RBFOX1: variants seen among roughly 807,000 people sequenced by gnomAD.
RBFOX1 encodes the protein RNA binding fox-1 homolog 1, also known as RNA binding protein fox-1 homolog 1.
RBFOX1 carries 8 observed loss-of-function variants against 57.7 expected under a neutral mutation model. That is an observed-to-expected ratio of 0.14 (90% CI 0.08 to 0.25). The LOEUF is 0.25. Ranked by LOEUF, RBFOX1 falls within the 10% of genes least tolerant of loss-of-function variation. The pLI is 1.00. For synonymous variants in RBFOX1, 326 were observed against 222.4 expected, an observed-to-expected ratio of 1.47 and a Z score of -4.15; for missense variants, 611 against 548.5, an observed-to-expected ratio of 1.11 and a Z score of -1.14.
intron 3 of RBFOX1, among the ~76,000 whole-genome samples, chr16:5,654,605 T>C (rs79038056): frequency 0.038 from 5,822 of 152,188 alleles, 376 homozygotes; most frequent in African/African-American, 0.13. Flanking sequence ...TCGTTTCTCA[T>C]CCAGCCCCAC....
chr16:6,466,143 C>A (rs185922602), intron 2 of RBFOX1, among the ~76,000 whole-genome samples: 3 of 151,222 alleles, frequency 2.0e-5, no homozygotes, highest in African/African-American at 7.3e-5. Context: ...GCAGAAGAAT[C>A]GCTTGAACCC....
chr16:6,900,866 T>G (rs188264158), intron 3 of RBFOX1, among the ~76,000 whole-genome samples: 20 of 152,336 alleles, frequency 1.3e-4, no homozygotes. Flanking sequence ...GCTCCATGAA[T>G]GCAGGGAGCT....
At chr16:5,366,605 A>C (rs2065723202) in intron 1 of RBFOX1, 1 of 399,072 alleles carries the variant, frequency 2.5e-6, no homozygotes, top group South Asian at 2.1e-5. Context: ...GAGGAAGCAA[A>C]GTTCATCAAT....
intron 4 of RBFOX1, among the ~76,000 whole-genome samples, chr16:7,319,917 G>C (rs2096515054): frequency 6.6e-6 from 1 of 152,194 alleles, no homozygotes; most frequent in African/African-American, 2.4e-5. Context: ...GAGTCAAAGT[G>C]TTGGAGTGCT....
intron 4 of RBFOX1, among the ~76,000 whole-genome samples, chr16:7,090,243 C>T (rs187315515): frequency 3.9e-5 from 6 of 152,118 alleles, no homozygotes; most frequent in Non-Finnish European, 8.8e-5. Flanking sequence ...AAATAGAATC[C>T]ATATTCAGTT....
At chr16:5,485,327 C>G (rs2151654395) in intron 2 of RBFOX1, among the ~76,000 whole-genome samples, 1 of 112,560 alleles carries the variant, frequency 8.9e-6, no homozygotes, top group South Asian at 3.0e-4. Context: ...GCCTGGGCGA[C>G]AGAGCCAGAC....
chr16:5,288,418 C>T (rs2063452805), intron 1 of RBFOX1, among the ~76,000 whole-genome samples: 1 of 152,090 alleles, frequency 6.6e-6, no homozygotes, highest in South Asian at 2.1e-4. Context: ...TAAATAAATG[C>T]AGGAAATTAA....
At chr16:7,047,890 AT>A (rs1030871833) in intron 3 of RBFOX1, among the ~76,000 whole-genome samples, 4 of 150,390 alleles carry the variant, frequency 2.7e-5, no homozygotes, top group Admixed American at 6.6e-5. Context: ...TTAATTAATT[AT>A]TTTTTTTGAG....
intron 5 of RBFOX1, among the ~76,000 whole-genome samples, chr16:7,567,777 A>C (rs111981797): frequency 0.25 from 36,783 of 144,596 alleles, 6,013 homozygotes; most frequent in Non-Finnish European, 0.34. Flanking sequence ...ATCCCTCTCT[A>C]TATATATCCA....
chr16:5,615,420 G>A (rs2047985399), intron 3 of RBFOX1, among the ~76,000 whole-genome samples: 1 of 152,328 alleles, frequency 6.6e-6, no homozygotes, highest in South Asian at 2.1e-4. Flanking sequence ...TGAGTGGTGT[G>A]TACTGCTCAA....
chr16:5,262,834 G>A (rs1252400058), intron 1 of RBFOX1, among the ~76,000 whole-genome samples: 1 of 152,146 alleles, frequency 6.6e-6, no homozygotes, highest in African/African-American at 2.4e-5. Context: ...GGTGAAAATT[G>A]TATTTCTGGA....
chr16:7,442,993 G>A (rs1250367344), intron 4 of RBFOX1, among the ~76,000 whole-genome samples: 1 of 152,156 alleles, frequency 6.6e-6, no homozygotes, highest in East Asian at 1.9e-4. Flanking sequence ...AGTGCACTGG[G>A]AAGGAAACAC....
chr16:6,824,184 C>T (rs573323508), intron 3 of RBFOX1, among the ~76,000 whole-genome samples: 2 of 152,218 alleles, frequency 1.3e-5, no homozygotes, highest in South Asian at 2.1e-4. Context: ...GCGGGTGGAT[C>T]ACCTGAGGTC....
intron 3 of RBFOX1, among the ~76,000 whole-genome samples, chr16:6,852,003 G>C (rs544431661): frequency 1.3e-5 from 2 of 150,292 alleles, no homozygotes. Flanking sequence ...TCGGCTCACT[G>C]CAAGCTCCAT....
At chr16:6,172,887 G>A (rs72774557) in intron 1 of RBFOX1, among the ~76,000 whole-genome samples, 4,945 of 152,184 alleles carry the variant, frequency 0.032, 126 homozygotes, top group Admixed American at 0.074. Context: ...CTCACAGTGC[G>A]GGCAGAGCTG....
At chr16:5,630,403 G>A (rs575132870) in intron 3 of RBFOX1, among the ~76,000 whole-genome samples, 1 of 152,200 alleles carries the variant, frequency 6.6e-6, no homozygotes, top group South Asian at 2.1e-4. Context: ...TTTGCAGTGA[G>A]CCAAGACCAC....
chr16:7,151,325 C>G (rs752931691), intron 4 of RBFOX1, among the ~76,000 whole-genome samples: 2 of 152,260 alleles, frequency 1.3e-5, no homozygotes, highest in South Asian at 2.1e-4. Context: ...CGTATTTAAA[C>G]TTTATATTTT....
chr16:5,437,886 T>C (rs1181290777), intron 1 of RBFOX1, among the ~76,000 whole-genome samples: 1 of 152,200 alleles, frequency 6.6e-6, no homozygotes, highest in Non-Finnish European at 1.5e-5. Flanking sequence ...GAATAAGACA[T>C]ATCGTTGTTG....
intron 3 of RBFOX1, among the ~76,000 whole-genome samples, chr16:7,013,065 A>T (rs183092982): frequency 2.0e-5 from 3 of 152,246 alleles, no homozygotes; most frequent in Admixed American, 2.0e-4. Context: ...TAATCCCCTT[A>T]TGAGGATCTT....
Sources: allele counts gnomAD v4.1 joint callset (sites outside exome capture counted in the v4.1 genomes callset), GRCh38; gene constraint gnomAD v4.1.1; transcripts MANE v1.5; gene names NCBI Gene and HGNC (gene_info 2026-07-23, HGNC 2026-07-21).